The following EYS variants were observed in gnomAD, a reference collection of about 807,000 sequenced individuals.
EYS encodes the protein protein eyes shut homolog.
In EYS, 250 loss-of-function variants were observed where a neutral mutation model predicts 282.1. That is an observed-to-expected ratio of 0.89 (90% CI 0.80 to 0.98). The LOEUF (loss-of-function observed/expected upper bound fraction) is 0.98, where lower values mean the gene tolerates loss of function less well. EYS is among the 50% of genes least tolerant of loss of function. The pLI is 0.00. For synonymous variants in EYS, 1,355 were observed against 1,282.9 expected, an observed-to-expected ratio of 1.06 and a Z score of -1.20; for missense variants, 4,016 against 3,709.0, an observed-to-expected ratio of 1.08 and a Z score of -2.15.
intron 12 of EYS, among the ~76,000 whole-genome samples, chr6:65,244,478 T>C (rs1767129452): frequency 6.6e-6 from 1 of 152,086 alleles, no homozygotes; most frequent in Admixed American, 6.6e-5. Context: ...ACTTATACCC[T>C]AATTTCTACC....
At chr6:63,753,277 T>C (rs1246914517) in intron 41 of EYS, among the ~76,000 whole-genome samples, 1 of 151,472 alleles carries the variant, frequency 6.6e-6, no homozygotes, top group Non-Finnish European at 1.5e-5. Flanking sequence ...TATGGATGTT[T>C]TAGGAGTCTC....
chr6:65,261,794 A>C lies in EYS; in HGVS notation c.2023+34069T>G, dbSNP rs1268470998. 2.0e-5 allele frequency among the ~76,000 whole-genome samples: 3 copies of C among 152,144 alleles called. No individual in the cohort carries two copies. The East Asian group carries it at 5.8e-4, about 29-fold the overall frequency. ...TTTTTCTTTAATCCTTTCAATAGTT[A>C]ACTTTATTTGCTCATTAAATAGAGT... On this transcript the variant is annotated intron_variant, in intron 12 of 42. Transcript: ENST00000503581.
At chr6:64,425,655 A>C (rs1254439058) in intron 28 of EYS, among the ~76,000 whole-genome samples, 1 of 126,406 alleles carries the variant, frequency 7.9e-6, no homozygotes, top group African/African-American at 3.1e-5. Flanking sequence ...ACTCCATCCC[A>C]GGAAAAAAAA....
At chr6:64,597,507 C>T (rs1766624367) in intron 24 of EYS, among the ~76,000 whole-genome samples, 1 of 152,108 alleles carries the variant, frequency 6.6e-6, no homozygotes, top group Non-Finnish European at 1.5e-5. Context: ...TATATATACA[C>T]AATGGAATAC....
intron 8 of EYS, among the ~76,000 whole-genome samples, chr6:65,382,976 G>A (rs111302241): frequency 6.9e-4 from 93 of 134,576 alleles, no homozygotes; most frequent in African/African-American, 2.3e-3. Context: ...AGCATCACAT[G>A]CTAGTACCAC....
intron 24 of EYS, among the ~76,000 whole-genome samples, chr6:64,604,997 C>A (rs1284688598): frequency 1.3e-5 from 2 of 152,004 alleles, no homozygotes; most frequent in African/African-American, 4.8e-5. Flanking sequence ...AAATAAAAGT[C>A]TGACCAGGTG....
chr6:65,553,490 A>G (rs1001828276), intron 2 of EYS, among the ~76,000 whole-genome samples: 6 of 152,294 alleles, frequency 3.9e-5, no homozygotes, highest in Admixed American at 2.0e-4. Context: ...AGCACAGAGA[A>G]TTCAATGATT....
At chr6:64,987,944 A>T (rs1195393203) in intron 14 of EYS, among the ~76,000 whole-genome samples, 1 of 151,458 alleles carries the variant, frequency 6.6e-6, no homozygotes, top group Non-Finnish European at 1.5e-5. Context: ...TAATATACTT[A>T]TTGTATTAAA....
At chr6:65,196,791 T>C (rs1450967156) in intron 12 of EYS, among the ~76,000 whole-genome samples, 1 of 152,052 alleles carries the variant, frequency 6.6e-6, no homozygotes, top group African/African-American at 2.4e-5. Flanking sequence ...CAATGTTACA[T>C]TGGAGGAAGC....
chr6:64,459,718 C>G (rs1004233877), intron 26 of EYS, among the ~76,000 whole-genome samples: 1 of 152,142 alleles, frequency 6.6e-6, no homozygotes, highest in Non-Finnish European at 1.5e-5. Flanking sequence ...TGAGCAGTCT[C>G]TTCACTCCAC....
intron 23 of EYS, among the ~76,000 whole-genome samples, chr6:64,625,419 G>A (rs1767574247): frequency 6.6e-6 from 1 of 152,152 alleles, no homozygotes; most frequent in African/African-American, 2.4e-5. Context: ...AAGCTGCAGG[G>A]TACAAGAACA....
chr6:65,587,210 C>T (rs1183524066), intron 2 of EYS, among the ~76,000 whole-genome samples: 1 of 151,964 alleles, frequency 6.6e-6, no homozygotes. Flanking sequence ...GTTTTATAAT[C>T]CTTTGGCTCA....
At chr6:63,867,865 A>G (rs1457334059) in intron 35 of EYS, among the ~76,000 whole-genome samples, 3 of 152,136 alleles carry the variant, frequency 2.0e-5, no homozygotes, top group Non-Finnish European at 4.4e-5. Context: ...CCTTTAAAAA[A>G]TGTCATTAGG....
At chr6:64,390,366 A>G (rs1249403557) in intron 28 of EYS, among the ~76,000 whole-genome samples, 9 of 152,088 alleles carry the variant, frequency 5.9e-5, no homozygotes, top group Non-Finnish European at 1.2e-4. Flanking sequence ...GCAGACTTAA[A>G]TGTCCCTGTC....
rs773197251 is a variant in EYS, at chr6:65,344,146, A to G, written c.1491T>C (p.Ile497=). 3 of 1,610,590 alleles carry G rather than the reference A, an allele frequency of 1.9e-6. No homozygotes were observed. The highest frequency in any genetic ancestry group is 2.5e-6 in the Non-Finnish European group (3 of 1,177,764). The change falls in exon 10 of 43, where the codon ATT becomes ATC. Residue 497 remains isoleucine (I), a synonymous_variant. Transcript: ENST00000503581. ...GSEGEKCQGV[I]DAYFFLAANC... is the part of the protein sequence containing the mutation. ...TTGCAGCCAGAAAGAAATAGGCATC[A>G]ATAACCCCTTGGCACTTTTCGCCTT...
intron 8 of EYS, among the ~76,000 whole-genome samples, chr6:65,382,698 C>T (rs1198752796): frequency 6.6e-6 from 1 of 151,886 alleles, no homozygotes. Flanking sequence ...AACTTGGAGT[C>T]CAATGTTCGA....
chr6:64,308,397 AT>A (rs1418258641), intron 29 of EYS, among the ~76,000 whole-genome samples: 1 of 152,104 alleles, frequency 6.6e-6, no homozygotes, highest in Non-Finnish European at 1.5e-5. Context: ...CTAAATGTAT[AT>A]TTATGAGAAA....
intron 33 of EYS, among the ~76,000 whole-genome samples, chr6:64,042,114 G>A (rs536543260): frequency 1.3e-5 from 2 of 152,210 alleles, no homozygotes; most frequent in South Asian, 2.1e-4. Flanking sequence ...GAACGAGAGC[G>A]GAAATTTCTT....
intron 34 of EYS, among the ~76,000 whole-genome samples, chr6:63,994,388 C>T (rs1178370114): frequency 6.6e-6 from 1 of 151,820 alleles, no homozygotes; most frequent in South Asian, 2.1e-4. Flanking sequence ...CAAGGATTCT[C>T]ATTATTTTAA....
Sources: gnomAD v4.1 joint callset for allele counts (sites outside exome capture counted in the v4.1 genomes callset) on GRCh38, gnomAD v4.1.1 for gene constraint, MANE v1.5 for transcripts, NCBI Gene and HGNC (gene_info 2026-07-23, HGNC 2026-07-21) for gene names.